The following FUT9 variants were observed in gnomAD, a reference collection of about 807,000 sequenced individuals.
The protein encoded by FUT9 is 4-galactosyl-N-acetylglucosaminide 3-alpha-L-fucosyltransferase 9.
FUT9 carries 15 observed loss-of-function variants against 29.7 expected under a neutral mutation model. That is an observed-to-expected ratio of 0.51 (90% confidence interval 0.34 to 0.78). The LOEUF (loss-of-function observed/expected upper bound fraction) is 0.78. FUT9 is among the 30% of genes least tolerant of loss of function. The pLI is 0.01. For synonymous variants in FUT9, 169 were observed against 153.7 expected, an observed-to-expected ratio of 1.10 and a Z score of -0.74; for missense variants, 319 against 425.4, an observed-to-expected ratio of 0.75 and a Z score of 2.20.
Position 96,206,575 on chromosome 6 carries a change from G to A in FUT9, c.*2340G>A, listed in dbSNP as rs548491276. 6.0e-5 allele frequency: 10 copies of A among 166,168 alleles called. No homozygotes were observed. Among genetic ancestry groups the A allele is most frequent in the Non-Finnish European group, 1.5e-5 (1 of 68,250 alleles). 10.3% of individuals were successfully genotyped at this position (166,168 alleles called of 1,614,324 possible). A position where few individuals can be genotyped will look rare whatever the true frequency, so the allele number is the denominator to read the frequency against. Reference sequence around the variant, plus strand: ...CCTCCCAGGTTCAAGTGATTCTCCTGTATCAGCCTCCCGAGTAGCTAGGAT... The same window carrying A: ...CCTCCCAGGTTCAAGTGATTCTCCTATATCAGCCTCCCGAGTAGCTAGGAT... On this transcript the variant is annotated 3_prime_UTR_variant, in exon 3 of 3. Transcript: ENST00000302103.
rs895569167 is a variant in FUT9 at position 96,205,105 on chromosome 6, A to G, written c.*870A>G. 2 of 166,894 alleles carry G rather than the reference A, an allele frequency of 1.2e-5. No homozygotes were observed. Among genetic ancestry groups the G allele is most frequent in the Non-Finnish European group, 2.9e-5 (2 of 68,068 alleles). The allele number at this position is 166,894 out of a possible 1,614,324, so 10.3% of individuals were successfully genotyped here. A position where few individuals can be genotyped will look rare whatever the true frequency, so the allele number is the denominator to read the frequency against. ...TTATAAATGGTGTCATTTATGAACA[A>G]TGTTTAATTATGTATCAATTTAAGA... On this transcript the variant is annotated 3_prime_UTR_variant, in exon 3 of 3. Coordinates refer to ENST00000302103, the MANE Select transcript of FUT9 (RefSeq NM_006581.4).
At chr6:96,055,094 A>G (rs1351991908) in intron 1 of FUT9, among the ~76,000 whole-genome samples, 1 of 152,162 alleles carries the variant, frequency 6.6e-6, no homozygotes, top group African/African-American at 2.4e-5. Context: ...ATATTTCCAA[A>G]TTCATTAAAT....
rs375083313 is a variant in FUT9 at position 96,043,068 on chromosome 6, C to CT, written c.-98+26864dup. On this transcript the variant is annotated intron_variant, in intron 1 of 2. Transcript: ENST00000302103. Reference sequence around the variant, plus strand: ...TCAATTCACAAGATTGTCGTTTATTCTTTTTTTTGGTCTCACTCTGTCGCC... The same window carrying CT: ...TCAATTCACAAGATTGTCGTTTATTCTTTTTTTTTGGTCTCACTCTGTCGCC... Among the ~76,000 whole-genome samples the CT allele has an allele frequency of 1.1e-3, 169 of 151,916 alleles. 1 individual carries two copies. Among genetic ancestry groups the CT allele is most frequent in the African/African-American group, 3.7e-3 (155 of 41,458 alleles).
In FUT9 at chr6:96,204,145, G is replaced by T; in HGVS notation, c.990G>T (p.Trp330Cys). The change falls in exon 3 of 3, where the codon TGG becomes TGT. Residue 330 changes from tryptophan (W) to cysteine (C), a missense_variant. Transcript: ENST00000302103. ...TCACTGTAAATCTTCCACGATTTTG[G>T]GAATCACATGCATGTTTGGCTTGCG... ...KDFTVNLPRF[W>C]ESHACLACDH... 6.7e-7 allele frequency: 1 copy of T among 1,493,400 alleles called. No individual in the cohort carries two copies. Among genetic ancestry groups the T allele is most frequent in the South Asian group, 1.5e-5 (1 of 68,212 alleles). The allele number at this position is 1,493,400 out of a possible 1,614,324, so 92.5% of individuals were successfully genotyped here. A position where few individuals can be genotyped will look rare whatever the true frequency, so the allele number is the denominator to read the frequency against.
intron 1 of FUT9, among the ~76,000 whole-genome samples, chr6:96,057,368 A>G (rs1454432101): frequency 6.6e-6 from 1 of 152,178 alleles, no homozygotes; most frequent in Non-Finnish European, 1.5e-5. Flanking sequence ...AAAGTGTGGA[A>G]AACCAGACAA....
rs569014883 is a variant in FUT9 at position 96,203,929 on chromosome 6, C to T, written c.774C>T (p.Tyr258=). The change falls in exon 3 of 3, where the codon TAC becomes TAT. Residue 258 remains tyrosine, a synonymous_variant. Transcript: ENST00000302103. ...AGGATTACATCACGGAAAAGCTATA[C>T]AATGCTTTTCTGGCTGGCTCTGTAC... The part of the protein sequence containing the change: ...IHKDYITEKL[Y]NAFLAGSVPV... The T allele has an allele frequency of 5.6e-6, 9 of 1,609,548 alleles. No individual in the cohort carries two copies. Among genetic ancestry groups the T allele is most frequent in the African/African-American group, 4.0e-5 (3 of 74,946 alleles).
intron 2 of FUT9, among the ~76,000 whole-genome samples, chr6:96,141,443 C>T (rs1482204775): frequency 2.6e-5 from 4 of 152,110 alleles, no homozygotes; most frequent in African/African-American, 9.7e-5. Context: ...AAAAAAGACT[C>T]TGAATCAGGT....
chr6:96,162,057 C>T (rs375705842), intron 2 of FUT9, among the ~76,000 whole-genome samples: 4 of 152,124 alleles, frequency 2.6e-5, no homozygotes, highest in East Asian at 3.9e-4. Flanking sequence ...TTAGCACTTT[C>T]ATTTTTCTGC....
intron 2 of FUT9, among the ~76,000 whole-genome samples, chr6:96,170,546 TCACACACACACA>T (rs5878420): frequency 5.0e-4 from 75 of 148,792 alleles, no homozygotes; most frequent in Non-Finnish European, 7.9e-4. Context: ...AAAATCCCTT[TCACACACACACA>T]CACACACACA....
intron 1 of FUT9, among the ~76,000 whole-genome samples, chr6:96,099,314 T>C (rs570976233): frequency 6.6e-6 from 1 of 152,282 alleles, no homozygotes; most frequent in South Asian, 2.1e-4. Context: ...CTTGATTTTA[T>C]AACAGAAAGA....
intron 2 of FUT9, among the ~76,000 whole-genome samples, chr6:96,176,821 G>A (rs1773213096): frequency 6.6e-6 from 1 of 152,132 alleles, no homozygotes; most frequent in African/African-American, 2.4e-5. Context: ...CTGCCTGGCT[G>A]TCTTGGTTCT....
intron 1 of FUT9, among the ~76,000 whole-genome samples, chr6:96,063,204 G>A (rs1337409078): frequency 1.3e-5 from 2 of 152,184 alleles, no homozygotes; most frequent in African/African-American, 4.8e-5. Flanking sequence ...ACAATTTAGG[G>A]TGTATTAGGC....
chr6:96,202,080 G>C (rs181061895), intron 2 of FUT9, among the ~76,000 whole-genome samples: 4 of 151,452 alleles, frequency 2.6e-5, no homozygotes, highest in Non-Finnish European at 5.9e-5. Context: ...TATTATTTTC[G>C]TAAGAGAAGC....
At chr6:96,154,387 A>G (rs766098451) in intron 2 of FUT9, among the ~76,000 whole-genome samples, 63 of 152,190 alleles carry the variant, frequency 4.1e-4, no homozygotes, top group Admixed American at 7.2e-4. Context: ...CTCCAACAGT[A>G]ATATAAAAGC....
intron 1 of FUT9, among the ~76,000 whole-genome samples, chr6:96,025,976 G>A (rs910531202): frequency 1.3e-5 from 2 of 151,632 alleles, no homozygotes; most frequent in East Asian, 1.9e-4. Context: ...GCAACATGAA[G>A]TATACACATT....
chr6:96,057,554 T>A (rs1322518355), intron 1 of FUT9, among the ~76,000 whole-genome samples: 3 of 152,236 alleles, frequency 2.0e-5, no homozygotes, highest in Non-Finnish European at 4.4e-5. Context: ...TTTATACATG[T>A]TGATTTTATA....
At position 96,192,631 on chromosome 6, in the gene FUT9, G is replaced by C. The variant is rs1456813138; in HGVS notation, c.-8-10517G>C. Among the ~76,000 whole-genome samples, 4 of 152,176 alleles carry C rather than the reference G, an allele frequency of 2.6e-5. No individual in the cohort carries two copies. In the East Asian group the frequency reaches 5.8e-4, roughly 22 times the overall value. ...TCGTGAAAATGGCCATACTGTCCAAGGTAATTTATAGATTCAATGCCATCC... is the reference window on the plus strand; with the variant it reads ...TCGTGAAAATGGCCATACTGTCCAACGTAATTTATAGATTCAATGCCATCC... On this transcript the variant is annotated intron_variant, in intron 2 of 2. Coordinates refer to ENST00000302103, the MANE Select transcript of FUT9 (RefSeq NM_006581.4).
intron 1 of FUT9, among the ~76,000 whole-genome samples, chr6:96,062,881 T>C (rs1233588533): frequency 6.6e-6 from 1 of 152,122 alleles, no homozygotes; most frequent in African/African-American, 2.4e-5. Flanking sequence ...AAAAGTGCCT[T>C]CAGTTAAATG....
intron 2 of FUT9, among the ~76,000 whole-genome samples, chr6:96,172,389 A>G (rs1042863640): frequency 6.6e-6 from 1 of 152,180 alleles, no homozygotes; most frequent in African/African-American, 2.4e-5. Context: ...TACATTTTTC[A>G]TATCATTTTA....
Sources: gnomAD v4.1 joint callset for allele counts (sites outside exome capture counted in the v4.1 genomes callset) on GRCh38, gnomAD v4.1.1 for gene constraint, MANE v1.5 for transcripts, NCBI Gene and HGNC (gene_info 2026-07-23, HGNC 2026-07-21) for gene names.